Variants in PCDHGB5 observed in about 807,000 individuals in gnomAD.
The protein encoded by PCDHGB5 is protocadherin gamma-B5.
PCDHGB5 carries 48 observed loss-of-function variants against 62.9 expected under a neutral mutation model. The ratio of observed to expected loss-of-function variants is 0.76; its 90% confidence interval spans 0.61 to 0.97. The LOEUF (loss-of-function observed/expected upper bound fraction) is 0.97. PCDHGB5 is among the 50% of genes least tolerant of loss of function. The pLI is 0.00. For synonymous variants in PCDHGB5, 474 were observed against 511.2 expected, an observed-to-expected ratio of 0.93 and a Z score of 0.98; for missense variants, 1,118 against 1,198.6, an observed-to-expected ratio of 0.93 and a Z score of 0.99.
intron 2 of PCDHGB5, among the ~76,000 whole-genome samples, chr5:141,499,445 C>A (rs904360147): frequency 1.3e-5 from 2 of 152,062 alleles, no homozygotes; most frequent in African/African-American, 4.8e-5. Flanking sequence ...AAAGGAAAAC[C>A]ACCCATCATT....
At chr5:141,492,265 G>C (rs1363279754) in intron 1 of PCDHGB5, among the ~76,000 whole-genome samples, 1 of 152,180 alleles carries the variant, frequency 6.6e-6, no homozygotes, top group Non-Finnish European at 1.5e-5. Flanking sequence ...CAAGTTGCAC[G>C]GGCTCGCCAC....
In PCDHGB5 at chr5:141,476,141, G is replaced by A. The variant is rs1011341002; in HGVS notation, c.2398-18666G>A. On this transcript the variant is annotated intron_variant, in intron 1 of 3. Coordinates refer to ENST00000617380, the MANE Select transcript of PCDHGB5 (RefSeq NM_018925.3). This position sits in a 1 kb window ranked among gnomAD's most constrained non-coding sequence, Gnocchi z 7.6. ...GATGGTCCCAGAGGCCTGGAGGAGCGGACTGGTAAGCACCGGGAGGGTAGT... is the reference window on the plus strand; with the variant it reads ...GATGGTCCCAGAGGCCTGGAGGAGCAGACTGGTAAGCACCGGGAGGGTAGT... 5.6e-6 allele frequency: 9 copies of A among 1,609,928 alleles called. No homozygotes were observed. Among genetic ancestry groups the A allele is most frequent in the Non-Finnish European group, 7.6e-6 (9 of 1,178,880 alleles).
chr5:141,403,789 C>T (rs1230029917), intron 1 of PCDHGB5: 1 of 1,613,864 alleles, frequency 6.2e-7, no homozygotes, highest in East Asian at 2.2e-5. Flanking sequence ...AAGTGGCATA[C>T]AAATTCTGGA....
Position 141,486,230 on chromosome 5 carries a change from A to C in PCDHGB5, c.2398-8577A>C. On this transcript the variant is annotated intron_variant, in intron 1 of 3. Coordinates refer to ENST00000617380, the MANE Select transcript of PCDHGB5 (RefSeq NM_018925.3). The surrounding 1 kb of genome is among the most constrained non-coding windows in gnomAD (Gnocchi z 5.0). ...TGACAATGCCCCTTACATCACAGTGACCTCAGAGCTTGGAACCCTCCCCGA... is the reference window on the plus strand; with the variant it reads ...TGACAATGCCCCTTACATCACAGTGCCCTCAGAGCTTGGAACCCTCCCCGA... The C allele has an allele frequency of 6.2e-7, 1 of 1,614,016 alleles. No individual in the cohort carries two copies. Among genetic ancestry groups the C allele is most frequent in the Non-Finnish European group, 8.5e-7 (1 of 1,179,964 alleles).
At chr5:141,460,331 A>T (rs537463160) in intron 1 of PCDHGB5, among the ~76,000 whole-genome samples, 3 of 152,212 alleles carry the variant, frequency 2.0e-5, no homozygotes, top group African/African-American at 7.2e-5. Flanking sequence ...AAAACTTATG[A>T]TGATTTTCTC....
At position 141,511,420 on chromosome 5, in the gene PCDHGB5, G is replaced by A; in HGVS notation, c.*247G>A. On this transcript the variant is annotated 3_prime_UTR_variant, in exon 4 of 4. Coordinates refer to ENST00000617380, the MANE Select transcript of PCDHGB5 (RefSeq NM_018925.3). ...TCCAATCAACTGCTGTACCCATGGG[G>A]GTAGTGGGGTTACTGTAGACACCAA... 2.4e-6 allele frequency: 2 copies of A among 830,862 alleles called. No individual in the cohort carries two copies. Among genetic ancestry groups the A allele is most frequent in the Non-Finnish European group, 1.8e-6 (1 of 557,336 alleles). The allele number at this position is 830,862 out of a possible 1,614,324, so 51.5% of individuals were successfully genotyped here.
intron 1 of PCDHGB5, among the ~76,000 whole-genome samples, chr5:141,447,650 T>G (rs555134653): frequency 1.3e-5 from 2 of 151,988 alleles, no homozygotes; most frequent in Non-Finnish European, 2.9e-5. Flanking sequence ...GGTAGAATTT[T>G]CCCCCCCAGG....
At position 141,423,386 on chromosome 5, in the gene PCDHGB5, G is replaced by C; in HGVS notation, c.2397+22862G>C. ...CTGCTGGCACTCAGGCTGTGGCGCT[G>C]GCATAAGTCACGCCTGCTGCAGGCT... On this transcript the variant is annotated intron_variant, in intron 1 of 3. Transcript: ENST00000617380. The C allele has an allele frequency of 1.9e-6, 3 of 1,614,160 alleles. No homozygotes were observed. The South Asian group carries it at 3.3e-5, about 18-fold the overall frequency.
intron 1 of PCDHGB5, among the ~76,000 whole-genome samples, chr5:141,438,611 TATATATATATATATATATATATATAC>T (rs1451681129): frequency 0.1 from 4,016 of 39,372 alleles, 166 homozygotes; most frequent in Middle Eastern, 0.18. Context: ...TATATATATA[TATATATATATATATATATATATATAC>T]ACACACACAC....
chr5:141,433,397 A>ATCTG (rs1179042498), intron 1 of PCDHGB5, among the ~76,000 whole-genome samples: 9 of 150,410 alleles, frequency 6.0e-5, no homozygotes, highest in Non-Finnish European at 1.0e-4. Context: ...CTATCTATCT[A>ATCTG]TCTATCTATT....
At chr5:141,417,753 C>T (rs889153718) in intron 1 of PCDHGB5, 3 of 1,431,672 alleles carry the variant, frequency 2.1e-6, no homozygotes, top group African/African-American at 2.9e-5. Flanking sequence ...ATTGCCAGCT[C>T]CGAGACCCGG....
intron 1 of PCDHGB5, chr5:141,441,894 G>T: frequency 2.9e-6 from 1 of 347,862 alleles, no homozygotes; most frequent in Non-Finnish European, 5.6e-6. Context: ...CCAAGGTGGT[G>T]GCTGTAGACG....
intron 1 of PCDHGB5, chr5:141,422,879 T>A: frequency 6.2e-7 from 1 of 1,614,240 alleles, no homozygotes; most frequent in Non-Finnish European, 8.5e-7. Context: ...TCGCTGAGCC[T>A]GTTCGTGCTG....
chr5:141,433,397 A>ATCTATCTATCTG (rs2097600396), intron 1 of PCDHGB5, among the ~76,000 whole-genome samples: 2 of 150,410 alleles, frequency 1.3e-5, no homozygotes, highest in African/African-American at 2.5e-5. Flanking sequence ...CTATCTATCT[A>ATCTATCTATCTG]TCTATCTATT....
At chr5:141,420,006 G>C (rs2096458103) in intron 1 of PCDHGB5, 2 of 1,613,934 alleles carry the variant, frequency 1.2e-6, no homozygotes, top group Admixed American at 3.3e-5. Flanking sequence ...CTACGCCTGC[G>C]ACAGTCTTTC....
intron 1 of PCDHGB5, chr5:141,427,525 CG>C (rs996050026): frequency 4.9e-6 from 3 of 612,098 alleles, no homozygotes; most frequent in Non-Finnish European, 9.2e-6. Flanking sequence ...GAGCGGATCC[CG>C]GAGTACAACG....
At chr5:141,433,381 A>ATCTC (rs1561869478) in intron 1 of PCDHGB5, among the ~76,000 whole-genome samples, 1 of 151,148 alleles carries the variant, frequency 6.6e-6, no homozygotes, top group Admixed American at 6.6e-5. Flanking sequence ...CTATCTATCT[A>ATCTC]TCTATCTATC....
In PCDHGB5 at chr5:141,490,084, G is replaced by A. The variant is rs772917260; in HGVS notation, c.2398-4723G>A. The A allele has an allele frequency of 4.3e-6, 7 of 1,614,104 alleles. No individual in the cohort carries two copies. ...CAACGGCCAACTAGACTATTCTTTT[G>A]GAGACCACACATCTGAGGCAGTGCG... On this transcript the variant is annotated intron_variant, in intron 1 of 3. Transcript: ENST00000617380. The surrounding 1 kb of genome is among the most constrained non-coding windows in gnomAD (Gnocchi z 5.4).
At chr5:141,400,684 G>GT (rs1422516327) in intron 1 of PCDHGB5, 160 bp downstream of exon 1, 1 of 834,872 alleles carries the variant, frequency 1.2e-6, no homozygotes, top group African/African-American at 1.7e-5. Flanking sequence ...TAAATTGTGA[G>GT]TTTTTATGTC....
Sources: allele counts gnomAD v4.1 joint callset (sites outside exome capture counted in the v4.1 genomes callset), GRCh38; gene constraint gnomAD v4.1.1; non-coding constraint Gnocchi (gnomAD v3.1); transcripts MANE v1.5; gene names NCBI Gene and HGNC (gene_info 2026-07-23, HGNC 2026-07-21).